The following CAND2 variants were observed in gnomAD, a reference collection of about 807,000 sequenced individuals.
The protein encoded by CAND2 is cullin-associated NEDD8-dissociated protein 2.
In CAND2, 62 loss-of-function variants were observed where a neutral mutation model predicts 98.9. The ratio of observed to expected loss-of-function variants is 0.63; its 90% CI spans 0.51 to 0.77. The LOEUF is 0.77. CAND2 is among the 30% of genes least tolerant of loss of function. The pLI is 0.00. For synonymous variants in CAND2, 770 were observed against 731.9 expected (o/e 1.05, Z -0.84); for missense variants, 1,501 against 1,655.2 (o/e 0.91, Z 1.62).
chr3:12,808,520 G>A (rs2061824952), intron 4 of CAND2, among the ~76,000 whole-genome samples, 187 bp downstream of exon 4: 1 of 152,230 alleles, frequency 6.6e-6, no homozygotes, highest in Non-Finnish European at 1.5e-5. Flanking sequence ...GATGCGGTCA[G>A]TAAAACCTCC....
At chr3:12,807,801 C>T (rs1476578274) in intron 3 of CAND2, among the ~76,000 whole-genome samples, 1 of 152,198 alleles carries the variant, frequency 6.6e-6, no homozygotes, top group African/African-American at 2.4e-5. Context: ...TCCAGTCTTG[C>T]CCCATGTCCC....
chr3:12,816,071 CCT>C lies in CAND2; in HGVS notation c.1441+64_1441+65del. 9 of 1,521,196 alleles carry C rather than the reference CCT, an allele frequency of 5.9e-6. No individual in the cohort carries two copies. The Middle Eastern group carries it at 5.2e-4, about 88-fold the overall frequency. The allele number at this position is 1,521,196 out of a possible 1,614,324, so 94.2% of individuals were successfully genotyped here. On this transcript the variant is annotated intron_variant, in intron 9 of 14. Transcript: ENST00000456430. ...CCACTTCCAGAACCCAGACCCCACC[CCT>C]GAGTTGAGCCCCCAGTTCCTGAGAC...
chr3:12,829,931 GCACATTTT>G (rs1200896813), intron 13 of CAND2, among the ~76,000 whole-genome samples: 1 of 152,212 alleles, frequency 6.6e-6, no homozygotes, highest in East Asian at 1.9e-4. Context: ...TATGTTATTT[GCACATTTT>G]CACAATTACA....
intron 9 of CAND2, 120 bp from the exon 10 acceptor site, chr3:12,816,254 C>A: frequency 9.5e-7 from 1 of 1,057,736 alleles, no homozygotes; most frequent in Non-Finnish European, 1.4e-6. Flanking sequence ...GAAACTTCTG[C>A]AGAAGAGTTT....
intron 12 of CAND2, among the ~76,000 whole-genome samples, chr3:12,826,451 A>G (rs558896344): frequency 2.0e-5 from 3 of 152,058 alleles, no homozygotes; most frequent in African/African-American, 7.2e-5. Flanking sequence ...TTTTTGAGAC[A>G]GGATCTTGCT....
chr3:12,815,843 T>C lies in CAND2; in HGVS notation c.1300-24T>C. The C allele has an allele frequency of 6.2e-7, 1 of 1,606,940 alleles. No homozygotes were observed. Among genetic ancestry groups the C allele is most frequent in the Non-Finnish European group, 8.5e-7 (1 of 1,175,202 alleles). ...TAGGTTTCTTGGGTGTTCCCTGACC[T>C]TGACTTCCCCCTCCTGCCCACAGGT... On this transcript the variant is annotated intron_variant, in intron 8 of 14. Coordinates refer to ENST00000456430, the MANE Select transcript of CAND2 (RefSeq NM_001162499.2). The surrounding 1 kb of genome is among the most constrained non-coding windows in gnomAD (Gnocchi z 5.7).
intron 13 of CAND2, among the ~76,000 whole-genome samples, chr3:12,828,712 C>T (rs1042623086): frequency 6.6e-6 from 1 of 152,190 alleles, no homozygotes; most frequent in Non-Finnish European, 1.5e-5. Context: ...CAGCCGTCAC[C>T]ACTGTCCATC....
chr3:12,807,407 T>C lies in CAND2; in HGVS notation c.314T>C (p.Ile105Thr). 6.4e-7 allele frequency: 1 copy of C among 1,551,712 alleles called. No individual in the cohort carries two copies. Among genetic ancestry groups the C allele is most frequent in the Non-Finnish European group, 8.7e-7 (1 of 1,146,984 alleles). ...TCAGACAAGGAGCAGCTGCGAGACA[T>C]TGCCGGCATTGGCCTCAAGACCGTC... is the stretch of plus-strand genomic sequence containing the variant. ...MRSDKEQLRD[I>T]AGIGLKTVLS... Residue 105 changes from isoleucine (I) to threonine (T), a missense_variant, in exon 3 of 15, where the codon ATT (isoleucine) becomes ACT (threonine). Coordinates refer to ENST00000456430, the MANE Select transcript of CAND2 (RefSeq NM_001162499.2).
Position 12,801,369 on chromosome 3 carries a change from T to C in CAND2, c.69-2119T>C, listed in dbSNP as rs368564853. ...AGTATTTTTGTGTCAACTTTCCCAA[T>C]GTTCAAATGTTGACAAGTAATTTAA... On this transcript the variant is annotated intron_variant, in intron 1 of 14. Transcript: ENST00000456430. 1.9e-3 allele frequency among the ~76,000 whole-genome samples: 288 copies of C among 152,348 alleles called. 2 individuals are homozygous for C. Among genetic ancestry groups the C allele is most frequent in the African/African-American group, 6.4e-3 (267 of 41,586 alleles).
chr3:12,824,938 G>T (rs1215500296), intron 11 of CAND2, among the ~76,000 whole-genome samples: 1 of 151,898 alleles, frequency 6.6e-6, no homozygotes, highest in Non-Finnish European at 1.5e-5. Context: ...ACAAATCATG[G>T]CACTGTACAA....
At chr3:12,797,555 G>T (rs1371672259) in intron 1 of CAND2, among the ~76,000 whole-genome samples, 1 of 152,112 alleles carries the variant, frequency 6.6e-6, no homozygotes, top group East Asian at 1.9e-4. Context: ...GAGCTGAAAA[G>T]AACGGTGGAA....
At chr3:12,827,659 G>T in intron 13 of CAND2, 55 bp downstream of exon 13, 1 of 1,501,116 alleles carries the variant, frequency 6.7e-7, no homozygotes, top group Non-Finnish European at 9.1e-7. Flanking sequence ...GGATAGTCGG[G>T]CACCATTGGG....
intron 12 of CAND2, among the ~76,000 whole-genome samples, chr3:12,826,584 C>T (rs948607602): frequency 6.6e-6 from 1 of 151,894 alleles, no homozygotes; most frequent in African/African-American, 2.4e-5. Context: ...TGTACCACCA[C>T]ACCTAGCTAA....
At chr3:12,824,199 C>G (rs1559557592) in intron 11 of CAND2, among the ~76,000 whole-genome samples, 1 of 152,148 alleles carries the variant, frequency 6.6e-6, no homozygotes, top group African/African-American at 2.4e-5. Flanking sequence ...AACAAACCTG[C>G]ACGTTGTGCA....
At chr3:12,805,450 G>T (rs1325781935) in intron 2 of CAND2, among the ~76,000 whole-genome samples, 1 of 151,958 alleles carries the variant, frequency 6.6e-6, no homozygotes, top group Non-Finnish European at 1.5e-5. Context: ...ACCACACCCG[G>T]CTAATTTTTG....
chr3:12,812,219 A>ATTTTTTTTTTTTTTTTTTTT (rs1575768881), intron 5 of CAND2, among the ~76,000 whole-genome samples: 1 of 45,668 alleles, frequency 2.2e-5, no homozygotes, highest in African/African-American at 1.1e-4. Flanking sequence ...TAAGCTGTTT[A>ATTTTTTTTTTTTTTTTTTTT]TCTTTTTTTT....
chr3:12,815,764 G>A lies in CAND2; in HGVS notation c.1300-103G>A, dbSNP rs974026706. 33 of 1,141,636 alleles carry A rather than the reference G, an allele frequency of 2.9e-5. No homozygotes were observed. The highest frequency in any genetic ancestry group is 6.2e-5 in the African/African-American group (4 of 64,746). 70.7% of individuals were successfully genotyped at this position (1,141,636 alleles called of 1,614,324 possible). On this transcript the variant is annotated intron_variant, in intron 8 of 14. Transcript: ENST00000456430. This position sits in a 1 kb window ranked among gnomAD's most constrained non-coding sequence, Gnocchi z 5.7. ...AGTGCTTGGGAGATATCTTGATGCC[G>A]ACATCCTCCCTGGGGATGTGTCTGG...
At position 12,817,424 on chromosome 3, in the gene CAND2, G is replaced by C. The variant is rs1267688901; in HGVS notation, c.2492G>C (p.Arg831Thr). The change falls in exon 10 of 15, where the codon AGG becomes ACG. Residue 831 changes from arginine (R) to threonine (T), a missense_variant. Coordinates refer to ENST00000456430, the MANE Select transcript of CAND2 (RefSeq NM_001162499.2). Reference protein sequence around the residue: ...STASRLVCDARSPHSSTGVKV... With the variant: ...STASRLVCDATSPHSSTGVKV... ...GCCAGTCGCCTGGTCTGCGATGCCAGGTCGCCCCACTCCAGCACGGGGGTC... is the reference window on the plus strand; with the variant it reads ...GCCAGTCGCCTGGTCTGCGATGCCACGTCGCCCCACTCCAGCACGGGGGTC... The C allele has an allele frequency of 6.2e-7, 1 of 1,613,592 alleles. No homozygotes were observed. Among genetic ancestry groups the C allele is most frequent in the Non-Finnish European group, 8.5e-7 (1 of 1,180,030 alleles).
Position 12,833,807 on chromosome 3 carries a change from G to A in CAND2, c.3536G>A (p.Arg1179His), listed in dbSNP as rs200379985. 1.8e-4 allele frequency: 289 copies of A among 1,614,180 alleles called. No individual in the cohort carries two copies. Among genetic ancestry groups the A allele is most frequent in the Admixed American group, 2.5e-4 (15 of 60,018 alleles). ...TTTGAAAAGCAAGATGAACTGAAGC[G>A]CTCTGCAATGAGGGCAGTGGCTGCC... ...QEFEKQDELK[R>H]SAMRAVAALL... Residue 1179 changes from arginine (R) to histidine (H), a missense_variant, in exon 15 of 15, where the codon CGC (arginine) becomes CAC (histidine). This residue lies in a region of CAND2 where 1,427 missense variants were observed against 1,545.3 expected (regional missense o/e 0.92). Coordinates refer to ENST00000456430, the MANE Select transcript of CAND2 (RefSeq NM_001162499.2).
Sources: gnomAD v4.1 joint callset for allele counts (sites outside exome capture counted in the v4.1 genomes callset) on GRCh38, gnomAD v4.1.1 for gene constraint, gnomAD v4.1.1 regional missense constraint, Gnocchi (gnomAD v3.1) non-coding constraint, MANE v1.5 for transcripts, NCBI Gene and HGNC (gene_info 2026-07-23, HGNC 2026-07-21) for gene names.